The following SLC24A2 variants were observed in gnomAD, a reference collection of about 807,000 sequenced individuals.
SLC24A2 encodes sodium/potassium/calcium exchanger 2.
In SLC24A2, 36 loss-of-function variants were observed where a neutral mutation model predicts 62.0. The observed-to-expected ratio is 0.58, with a 90% CI of 0.44 to 0.77. SLC24A2 has a LOEUF of 0.77. Ranked by LOEUF, SLC24A2 falls within the 30% of genes least tolerant of loss-of-function variation. The pLI is 0.00. For missense variants in SLC24A2, 846 were observed against 817.9 expected, an observed-to-expected ratio of 1.03 and a Z score of -0.42; for synonymous variants, 358 against 294.0, an observed-to-expected ratio of 1.22 and a Z score of -2.23.
the SLC24A2 span, among the ~76,000 whole-genome samples, chr9:20,296,305 A>G: frequency 2.5e-3 from 375 of 152,368 alleles, 4 homozygotes; most frequent in Admixed American, 7.1e-3. Context: ...ATTCTATTGT[A>G]TACAACTTCT....
At chr9:20,256,221 C>T in the SLC24A2 span, among the ~76,000 whole-genome samples, 3 of 152,136 alleles carry the variant, frequency 2.0e-5, no homozygotes, top group South Asian at 2.1e-4. Flanking sequence ...TGGGGAGACA[C>T]GTTTAAACCA....
At chr9:19,746,916 T>G (rs770956128) in intron 2 of SLC24A2, among the ~76,000 whole-genome samples, 1 of 152,082 alleles carries the variant, frequency 6.6e-6, no homozygotes, top group Admixed American at 6.6e-5. Context: ...ATTCCAACAA[T>G]GAAATCAACA....
the SLC24A2 span, among the ~76,000 whole-genome samples, chr9:20,269,611 A>G: frequency 6.6e-6 from 1 of 152,156 alleles, no homozygotes; most frequent in Admixed American, 6.6e-5. Context: ...TAATATCCAG[A>G]TAAGAGCAAA....
At chr9:19,979,292 C>T in the SLC24A2 span, among the ~76,000 whole-genome samples, 2 of 152,164 alleles carry the variant, frequency 1.3e-5, no homozygotes, top group African/African-American at 4.8e-5. Flanking sequence ...TGAGTTTCTT[C>T]ATTTCCACTA....
chr9:19,829,404 CAG>C, the SLC24A2 span, among the ~76,000 whole-genome samples: 1 of 152,132 alleles, frequency 6.6e-6, no homozygotes, highest in Non-Finnish European at 1.5e-5. Context: ...GAGCATCTGA[CAG>C]AGGACCTGGC....
chr9:20,164,823 T>G, the SLC24A2 span, among the ~76,000 whole-genome samples: 1 of 151,832 alleles, frequency 6.6e-6, no homozygotes, highest in Non-Finnish European at 1.5e-5. Flanking sequence ...GATGAGTTCA[T>G]GTCCTTTTTA....
chr9:20,102,133 A>G, the SLC24A2 span, among the ~76,000 whole-genome samples: 1 of 152,116 alleles, frequency 6.6e-6, no homozygotes, highest in South Asian at 2.1e-4. Flanking sequence ...AGTTCTCCCT[A>G]TTTCTATAAA....
chr9:20,174,831 C>T, the SLC24A2 span, among the ~76,000 whole-genome samples: 2 of 151,840 alleles, frequency 1.3e-5, no homozygotes, highest in Non-Finnish European at 2.9e-5. Context: ...ACTATTTGGT[C>T]CAGCAATCCC....
intron 8 of SLC24A2, among the ~76,000 whole-genome samples, chr9:19,532,906 G>C (rs1185806022): frequency 2.0e-5 from 3 of 152,142 alleles, no homozygotes; most frequent in Admixed American, 6.6e-5. Context: ...ATCTATCTTA[G>C]TCATGAGAGA....
the SLC24A2 span, among the ~76,000 whole-genome samples, chr9:20,105,146 A>T: frequency 6.6e-6 from 1 of 152,234 alleles, no homozygotes; most frequent in Non-Finnish European, 1.5e-5. Context: ...AAGAAGAGCT[A>T]ACTATCTTAA....
intron 7 of SLC24A2, among the ~76,000 whole-genome samples, chr9:19,572,683 G>T (rs973172353): frequency 1.3e-5 from 2 of 152,188 alleles, no homozygotes; most frequent in Non-Finnish European, 2.9e-5. Flanking sequence ...GTTCTCTATA[G>T]CAGTGTGAAA....
At chr9:19,540,476 C>G (rs1335247176) in intron 8 of SLC24A2, among the ~76,000 whole-genome samples, 7 of 151,396 alleles carry the variant, frequency 4.6e-5, no homozygotes, top group Admixed American at 2.0e-4. Context: ...GCTTAGTTTG[C>G]CTGGATATGA....
At chr9:20,165,987 T>A in the SLC24A2 span, among the ~76,000 whole-genome samples, 1 of 151,728 alleles carries the variant, frequency 6.6e-6, no homozygotes, top group African/African-American at 2.4e-5. Context: ...AAAAAAGACA[T>A]GAGCAAAAAA....
intron 7 of SLC24A2, among the ~76,000 whole-genome samples, chr9:19,567,284 C>T (rs1001440717): frequency 1.3e-5 from 2 of 151,642 alleles, no homozygotes; most frequent in Non-Finnish European, 2.9e-5. Flanking sequence ...CGGTGGCTCA[C>T]ACCTGTAATC....
At chr9:19,920,220 C>G in the SLC24A2 span, among the ~76,000 whole-genome samples, 2 of 152,036 alleles carry the variant, frequency 1.3e-5, no homozygotes, top group Non-Finnish European at 2.9e-5. Context: ...CTCCATTACC[C>G]AGAATTGTTT....
the SLC24A2 span, among the ~76,000 whole-genome samples, chr9:20,173,919 TG>T: frequency 2.6e-5 from 4 of 151,958 alleles, no homozygotes; most frequent in African/African-American, 9.7e-5. Flanking sequence ...AGAACAAAAC[TG>T]GAGGCATCAC....
intron 2 of SLC24A2, among the ~76,000 whole-genome samples, chr9:19,653,902 A>G (rs182897726): frequency 6.6e-6 from 1 of 152,150 alleles, no homozygotes; most frequent in Admixed American, 6.5e-5. Context: ...TCTATGCCAA[A>G]CTATGTGTCT....
At chr9:19,945,817 A>C in the SLC24A2 span, among the ~76,000 whole-genome samples, 1 of 152,236 alleles carries the variant, frequency 6.6e-6, no homozygotes, top group Non-Finnish European at 1.5e-5. Flanking sequence ...CAGTGTGAAT[A>C]AACTGGTTTT....
chr9:19,971,741 G>A, the SLC24A2 span, among the ~76,000 whole-genome samples: 3 of 152,118 alleles, frequency 2.0e-5, no homozygotes, highest in Admixed American at 6.6e-5. Context: ...GACCCACGAG[G>A]TTCCATGTGA....
Sources: gnomAD v4.1 joint callset for allele counts (sites outside exome capture counted in the v4.1 genomes callset) on GRCh38, gnomAD v4.1.1 for gene constraint, MANE v1.5 for transcripts, NCBI Gene and HGNC (gene_info 2026-07-23, HGNC 2026-07-21) for gene names.